Variants in KLHDC4 observed in about 807,000 individuals in gnomAD.
KLHDC4 encodes the protein kelch domain-containing protein 4.
Under a neutral mutation model 62.4 loss-of-function variants are expected in KLHDC4, and 90 were observed. The observed-to-expected ratio is 1.44, with a 90% CI of 1.22 to 1.72. The LOEUF is 1.72. Ranked by LOEUF, KLHDC4 falls within the 40% of genes most tolerant of loss-of-function variation. The probability of loss-of-function intolerance (pLI) is 0.00; values close to 1 mark genes in which losing one functional copy is unlikely to be tolerated. For synonymous variants in KLHDC4, 386 were observed against 284.4 expected (o/e 1.36, Z -3.59); for missense variants, 1,025 against 699.7 (o/e 1.47, Z -5.25).
chr16:87,700,019 C>G (rs1013089844), exon 1 of KLHDC4: 1 of 152,304 alleles, frequency 6.6e-6, no homozygotes, highest in African/African-American at 2.4e-5. Context: ...CTGGACCCGT[C>G]GGACTGAAGA....
At chr16:87,751,305 C>T (rs2043889871) in intron 4 of KLHDC4, among the ~76,000 whole-genome samples, 2 of 152,084 alleles carry the variant, frequency 1.3e-5, no homozygotes, top group Admixed American at 1.3e-4. Context: ...GAAACCCTGT[C>T]TGTACTAAAA....
chr16:87,699,628 G>C (rs1356719077), exon 1 of KLHDC4: 2 of 152,482 alleles, frequency 1.3e-5, no homozygotes, highest in African/African-American at 2.4e-5. Flanking sequence ...GAACCCGGGA[G>C]GCAGAGGTTG....
chr16:87,716,421 G>A (rs1469489552), intron 7 of KLHDC4, among the ~76,000 whole-genome samples: 1 of 152,116 alleles, frequency 6.6e-6, no homozygotes, highest in South Asian at 2.1e-4. Flanking sequence ...TTTGTTGCTC[G>A]GGTTGTTCAA....
intron 7 of KLHDC4, among the ~76,000 whole-genome samples, chr16:87,716,616 T>A (rs371645988): frequency 2.1e-4 from 32 of 152,226 alleles, no homozygotes; most frequent in African/African-American, 7.2e-4. Flanking sequence ...GTTCCCTTTG[T>A]TGGAGAATAG....
At chr16:87,718,780 G>A (rs12931372) in intron 7 of KLHDC4, among the ~76,000 whole-genome samples, 3 of 151,308 alleles carry the variant, frequency 2.0e-5, no homozygotes, top group African/African-American at 7.3e-5. Context: ...GGGAAGTGAC[G>A]AGCGTCTCTG....
At chr16:87,763,073 G>C (rs913749762) in intron 1 of KLHDC4, among the ~76,000 whole-genome samples, 2 of 152,162 alleles carry the variant, frequency 1.3e-5, no homozygotes, top group African/African-American at 4.8e-5. Flanking sequence ...ACACTGCTTA[G>C]TATTCTAAAC....
chr16:87,748,843 C>G (rs2043444173), intron 4 of KLHDC4, 34 bp from the exon 5 acceptor site: 1 of 1,609,656 alleles, frequency 6.2e-7, no homozygotes, highest in African/African-American at 1.4e-5. Context: ...CAGGGCACAG[C>G]CACACAGCAG....
downstream of KLHDC4, among the ~76,000 whole-genome samples, chr16:87,704,461 CAT>C (rs2034423106): frequency 3.3e-5 from 2 of 59,958 alleles, no homozygotes; most frequent in African/African-American, 2.2e-4. Context: ...GGGTCCTGAA[CAT>C]GACAGGGAAG....
downstream of KLHDC4, among the ~76,000 whole-genome samples, chr16:87,704,147 C>T (rs187960153): frequency 3.7e-4 from 57 of 152,348 alleles, no homozygotes; most frequent in African/African-American, 1.3e-3. Context: ...ATCAAGCACA[C>T]GGCGCCGCCA....
intron 5 of KLHDC4, among the ~76,000 whole-genome samples, chr16:87,740,027 C>A (rs1389326323): frequency 6.6e-6 from 1 of 152,120 alleles, no homozygotes; most frequent in Non-Finnish European, 1.5e-5. Flanking sequence ...CGGGCGGGGT[C>A]CTAAAGTGGA....
At chr16:87,700,676 A>G in exon 1 of KLHDC4, 1 of 167,688 alleles carries the variant, frequency 6.0e-6, no homozygotes. Context: ...GGGCGGAGGG[A>G]GGAGGTTGGA....
intron 5 of KLHDC4, 106 bp downstream of exon 5, chr16:87,748,567 G>C: frequency 1.4e-6 from 2 of 1,426,106 alleles, no homozygotes; most frequent in Non-Finnish European, 9.6e-7. Flanking sequence ...TGTGACCCAA[G>C]TTCCTCTGAA....
chr16:87,720,556 G>T (rs906950273), intron 7 of KLHDC4, among the ~76,000 whole-genome samples: 1 of 152,320 alleles, frequency 6.6e-6, no homozygotes, highest in East Asian at 1.9e-4. Context: ...CGCCCCTGGG[G>T]AGACGCCGCA....
intron 7 of KLHDC4, among the ~76,000 whole-genome samples, chr16:87,725,812 C>T (rs909012533): frequency 5.3e-5 from 8 of 152,148 alleles, no homozygotes; most frequent in African/African-American, 1.9e-4. Flanking sequence ...GAGCAGGAGG[C>T]TCCGGGGTGG....
At chr16:87,749,986 C>G (rs994420287) in intron 4 of KLHDC4, among the ~76,000 whole-genome samples, 2 of 152,192 alleles carry the variant, frequency 1.3e-5, no homozygotes, top group African/African-American at 4.8e-5. Context: ...ACTCCGGCAG[C>G]AGGGGATGCT....
At chr16:87,733,744 T>G (rs12446142) in intron 5 of KLHDC4, among the ~76,000 whole-genome samples, 2 of 97,434 alleles carry the variant, frequency 2.1e-5, no homozygotes, top group African/African-American at 5.6e-5. Flanking sequence ...GACCTGCCTC[T>G]CCTCCTACTT....
chr16:87,711,035 G>C, intron 9 of KLHDC4, 200 bp downstream of exon 9: 3 of 591,828 alleles, frequency 5.1e-6, no homozygotes, highest in Non-Finnish European at 8.9e-6. Flanking sequence ...CAGCATCCAG[G>C]ACAGACTAAG....
At chr16:87,757,465 T>C (rs1435263373) in intron 2 of KLHDC4, 3 of 131,448 alleles carry the variant, frequency 2.3e-5, no homozygotes, top group African/African-American at 3.1e-5. Flanking sequence ...AGATTCCATC[T>C]GAAAAAAAAA....
rs1333320518 is a variant in KLHDC4 at position 87,717,792 on chromosome 16, T to C, written c.760-3219A>G. On this transcript the variant is annotated intron_variant, in intron 7 of 11. Transcript: ENST00000270583. The stretch of plus-strand genomic sequence containing the variant: ...CTCTATTTGTCATCAGAAACTCAAA[T>C]CGCTGCTTAGCTTCGGCAGGTCTCT... Among the ~76,000 whole-genome samples the C allele has an allele frequency of 2.0e-5, 3 of 152,228 alleles. No homozygotes were observed. In the East Asian group the frequency reaches 5.8e-4, roughly 29 times the overall value.
Sources: allele counts gnomAD v4.1 joint callset (sites outside exome capture counted in the v4.1 genomes callset), GRCh38; gene constraint gnomAD v4.1.1; transcripts MANE v1.5; gene names NCBI Gene and HGNC (gene_info 2026-07-23, HGNC 2026-07-21).